DACH2: variants seen among roughly 807,000 people sequenced by gnomAD.
The protein encoded by DACH2 is dachshund family transcription factor 2, also known as dachshund homolog 2.
In DACH2, 17 loss-of-function variants were observed where a neutral mutation model predicts 35.8. The observed-to-expected ratio is 0.48, with a 90% CI of 0.33 to 0.71. DACH2 has a LOEUF of 0.71. Among genes scored for constraint, DACH2 ranks in the 30% least tolerant of loss-of-function variants. The pLI is 0.02. For synonymous variants in DACH2, 195 were observed against 177.3 expected (o/e 1.10, Z -0.79); for missense variants, 469 against 472.7 (o/e 0.99, Z 0.07).
chrX:86,610,363 CTCTTTCTTTCTTTCTTTCTTTCTTTCTT>C, intron 3 of DACH2, among the ~76,000 whole-genome samples: 1 of 70,084 alleles, frequency 1.4e-5, no homozygotes, highest in Non-Finnish European at 2.6e-5. Flanking sequence ...TCCTTCCTTC[CTCTTTCTTTCTTTCTTTCTTTCTTTCTT>C]TCTTTCTTTC....
chrX:86,161,845 T>C (rs970541902), intron 1 of DACH2, among the ~76,000 whole-genome samples: 28 of 111,978 alleles, frequency 2.5e-4, no homozygotes, highest in African/African-American at 9.1e-4. Context: ...TTTAGGGGCA[T>C]GTTCTTTTTT....
intron 1 of DACH2, chrX:86,263,040 CA>C: frequency 1.4e-6 from 1 of 731,395 alleles, no homozygotes; most frequent in Non-Finnish European, 1.6e-6. Context: ...TTTGTGCTAG[CA>C]AAACCGCTAA....
At chrX:86,478,526 T>G (rs2148230947) in intron 2 of DACH2, among the ~76,000 whole-genome samples, 1 of 107,985 alleles carries the variant, frequency 9.3e-6, no homozygotes, top group African/African-American at 3.4e-5. Context: ...TTTTAGTTTT[T>G]TTCTTTTTTG....
intron 2 of DACH2, among the ~76,000 whole-genome samples, chrX:86,409,365 G>A (rs1035059792): frequency 9.9e-5 from 11 of 111,049 alleles, no homozygotes; most frequent in African/African-American, 2.0e-4. Flanking sequence ...GTGTGTCCCC[G>A]GCCAAATTTC....
At chrX:86,408,563 C>T (rs1008065690) in intron 2 of DACH2, among the ~76,000 whole-genome samples, 6 of 112,000 alleles carry the variant, frequency 5.4e-5, no homozygotes, top group African/African-American at 9.7e-5. Flanking sequence ...GATTATTTTA[C>T]TAAAATTATG....
At chrX:86,180,176 GTATATATATA>G (rs72366047) in intron 1 of DACH2, among the ~76,000 whole-genome samples, 953 of 42,910 alleles carry the variant, frequency 0.022, 51 homozygotes, top group African/African-American at 0.066. Context: ...ATGCTAAACC[GTATATATATA>G]TATATATATA....
At chrX:86,294,697 G>C (rs1267154302) in intron 1 of DACH2, among the ~76,000 whole-genome samples, 7 of 110,473 alleles carry the variant, frequency 6.3e-5, no homozygotes, top group Middle Eastern at 4.7e-3. Flanking sequence ...GTGTCAGTTT[G>C]CCCCTGCTGG....
intron 1 of DACH2, among the ~76,000 whole-genome samples, chrX:86,232,556 A>G (rs1475878507): frequency 8.9e-6 from 1 of 112,332 alleles, no homozygotes; most frequent in Non-Finnish European, 1.9e-5. Context: ...ACACTTTACC[A>G]AAGAAGACAT....
At chrX:86,355,032 C>T (rs2035619959) in intron 1 of DACH2, among the ~76,000 whole-genome samples, 1 of 111,280 alleles carries the variant, frequency 9.0e-6, no homozygotes, top group Non-Finnish European at 1.9e-5. Context: ...AAGCATAGTA[C>T]CTCATAGGTA....
chrX:86,170,700 T>C (rs2031097537), intron 1 of DACH2, among the ~76,000 whole-genome samples: 1 of 112,366 alleles, frequency 8.9e-6, no homozygotes, highest in Non-Finnish European at 1.9e-5. Context: ...TTAGTCAGCT[T>C]GTCGTTGTTA....
At chrX:86,546,418 T>TTCTTCC (rs1368469867) in intron 3 of DACH2, among the ~76,000 whole-genome samples, 20 of 33,868 alleles carry the variant, frequency 5.9e-4, no homozygotes, top group African/African-American at 2.1e-3. Flanking sequence ...CTTCTTCTTC[T>TTCTTCC]TTCTTCTTCT....
chrX:86,222,979 G>T (rs1025424979), intron 1 of DACH2, among the ~76,000 whole-genome samples: 1 of 111,722 alleles, frequency 9.0e-6, no homozygotes, highest in Non-Finnish European at 1.9e-5. Context: ...AAAGCAGAGA[G>T]AAAAGTTTAA....
At chrX:86,541,280 C>A (rs1207326259) in intron 3 of DACH2, among the ~76,000 whole-genome samples, 1 of 111,373 alleles carries the variant, frequency 9.0e-6, no homozygotes, top group Non-Finnish European at 1.9e-5. Context: ...ATAAATGCTT[C>A]TTTACATCTC....
At chrX:86,749,266 C>T (rs1317448651) in intron 7 of DACH2, among the ~76,000 whole-genome samples, 3 of 111,967 alleles carry the variant, frequency 2.7e-5, no homozygotes, top group South Asian at 3.7e-4. Context: ...CACAACTTGG[C>T]TAACTGTTTG....
At chrX:86,509,353 G>T (rs556571171) in intron 2 of DACH2, among the ~76,000 whole-genome samples, 6 of 111,828 alleles carry the variant, frequency 5.4e-5, no homozygotes, top group African/African-American at 1.9e-4. Context: ...CATTTTATGA[G>T]AGTTACCATA....
chrX:86,626,445 A>C (rs1388961956), intron 3 of DACH2, among the ~76,000 whole-genome samples: 1 of 112,517 alleles, frequency 8.9e-6, no homozygotes, highest in Admixed American at 9.3e-5. Flanking sequence ...TGGAACTACT[A>C]TTCTGGAGAC....
intron 2 of DACH2, among the ~76,000 whole-genome samples, chrX:86,401,772 G>T (rs1045597970): frequency 9.4e-6 from 1 of 106,558 alleles, no homozygotes; most frequent in Non-Finnish European, 1.9e-5. Flanking sequence ...GAACATAGAT[G>T]AAAGAAATCC....
At chrX:86,535,055 A>T (rs1016779192) in intron 3 of DACH2, among the ~76,000 whole-genome samples, 2 of 111,989 alleles carry the variant, frequency 1.8e-5, no homozygotes, top group African/African-American at 6.5e-5. Context: ...GAGATAGGAC[A>T]GCCAATATAT....
intron 3 of DACH2, among the ~76,000 whole-genome samples, chrX:86,636,068 C>T (rs775395161): frequency 1.8e-5 from 2 of 111,610 alleles, no homozygotes; most frequent in South Asian, 7.5e-4. Flanking sequence ...GCCCAAATAG[C>T]CAAAGCAATT....
Sources: gnomAD v4.1 joint callset for allele counts (sites outside exome capture counted in the v4.1 genomes callset) on GRCh38, gnomAD v4.1.1 for gene constraint, MANE v1.5 for transcripts, NCBI Gene and HGNC (gene_info 2026-07-23, HGNC 2026-07-21) for gene names.